BRD3: variants seen among roughly 807,000 people sequenced by gnomAD.
The protein encoded by BRD3 is bromodomain containing 3.
In BRD3, 17 loss-of-function variants were observed where a neutral mutation model predicts 66.8. The observed-to-expected ratio is 0.25, with a 90% confidence interval of 0.17 to 0.38. BRD3 has a LOEUF of 0.38. BRD3 is among the 10% of genes least tolerant of loss of function. The pLI, the probability that BRD3 is intolerant of heterozygous loss-of-function variation, is 1.00. For missense variants in BRD3, 713 were observed against 956.1 expected (o/e 0.75, Z 3.35); for synonymous variants, 421 against 393.2 (o/e 1.07, Z -0.84).
Position 134,030,985 on chromosome 9 carries a change from A to C in BRD3, c.*2605T>G. 4.3e-6 allele frequency: 1 copy of C among 230,824 alleles called. No individual in the cohort carries two copies. The highest frequency in any genetic ancestry group is 8.6e-6 in the Non-Finnish European group (1 of 116,488). 14.3% of individuals were successfully genotyped at this position (230,824 alleles called of 1,614,324 possible). On this transcript the variant is annotated 3_prime_UTR_variant, in exon 12 of 12. Transcript: ENST00000303407. Reference sequence around the variant, plus strand: ...ACCGCAGCCTTCTAATACAGAAGAAACGGACGTGACTGTCACCCTCAGCCC... The same window carrying C: ...ACCGCAGCCTTCTAATACAGAAGAACCGGACGTGACTGTCACCCTCAGCCC...
At chr9:134,067,881 C>T (rs1483670655) in intron 1 of BRD3, 64 bp downstream of exon 1, 4 of 144,788 alleles carry the variant, frequency 2.8e-5, no homozygotes, top group African/African-American at 9.9e-5. Context: ...CGGCCCAGCC[C>T]GGCCCGCCGC....
At position 134,048,339 on chromosome 9, in the gene BRD3, GCCA is replaced by G; in HGVS notation, c.827_829del (p.Val276del). ...GGGGCGGCCACCACTCTCCCGCCGG[GCCA>G]CCACTTTGGCCTGCTTGGGGTCTGA... On this transcript the variant is annotated inframe_deletion, in exon 6 of 12. Transcript: ENST00000303407. 6.3e-7 allele frequency: 1 copy of G among 1,599,282 alleles called. No homozygotes were observed. Among genetic ancestry groups the G allele is most frequent in the Non-Finnish European group, 8.5e-7 (1 of 1,179,620 alleles).
At chr9:134,061,260 G>C (rs1210891803) in intron 1 of BRD3, among the ~76,000 whole-genome samples, 1 of 152,256 alleles carries the variant, frequency 6.6e-6, no homozygotes, top group Admixed American at 6.5e-5. Context: ...GCAGCGGCTG[G>C]ACCATGGGGG....
At chr9:134,039,117 C>G (rs34827197) in intron 9 of BRD3, among the ~76,000 whole-genome samples, 21,821 of 152,104 alleles carry the variant, frequency 0.14, 2,379 homozygotes, top group African/African-American at 0.31. Context: ...CCAAAGTAGT[C>G]TATCTCCAGA....
At chr9:134,064,157 G>C (rs1830599232) in intron 1 of BRD3, among the ~76,000 whole-genome samples, 1 of 152,186 alleles carries the variant, frequency 6.6e-6, no homozygotes, top group Non-Finnish European at 1.5e-5. Context: ...TCCACTGCGA[G>C]CTCAATCAGG....
chr9:134,058,761 G>A (rs1564559804), intron 1 of BRD3: 1 of 152,254 alleles, frequency 6.6e-6, no homozygotes, highest in Non-Finnish European at 1.5e-5. Flanking sequence ...CAGCTGTAAA[G>A]GGGGGCCAGA....
At chr9:134,067,412 C>T (rs1284089284) in intron 1 of BRD3, among the ~76,000 whole-genome samples, 2 of 150,194 alleles carry the variant, frequency 1.3e-5, no homozygotes, top group Non-Finnish European at 3.0e-5. Context: ...AGCAACGGCT[C>T]GGGAGCGAGG....
Position 134,053,574 on chromosome 9 carries a change from G to A in BRD3, c.-97C>T. 1 of 1,448,224 alleles carries A rather than the reference G, an allele frequency of 6.9e-7. No homozygotes were observed. Among genetic ancestry groups the A allele is most frequent in the Non-Finnish European group, 9.1e-7 (1 of 1,103,874 alleles). The allele number at this position is 1,448,224 out of a possible 1,614,324, so 89.7% of individuals were successfully genotyped here. A position where few individuals can be genotyped will look rare whatever the true frequency, so the allele number is the denominator to read the frequency against. ...AGAAAGCGCGACGTCCCATTTCCGG[G>A]CCCAACCAGGCGACAGCTGCAGAGG... On this transcript the variant is annotated 5_prime_UTR_variant, in exon 2 of 12. Transcript: ENST00000303407.
At chr9:134,066,720 A>G (rs560450711) in intron 1 of BRD3, among the ~76,000 whole-genome samples, 1 of 152,360 alleles carries the variant, frequency 6.6e-6, no homozygotes, top group South Asian at 2.1e-4. Context: ...TTCCAGCCCA[A>G]TTACTCTGCC....
In BRD3 at chr9:134,045,169, A is replaced by G. The variant is rs1372840651; in HGVS notation, c.1215+124T>C. 69 of 1,345,650 alleles carry G rather than the reference A, an allele frequency of 5.1e-5. No individual in the cohort carries two copies. In the South Asian group the frequency reaches 8.9e-4, roughly 17 times the overall value. The allele number at this position is 1,345,650 out of a possible 1,614,324, so 83.4% of individuals were successfully genotyped here. A position where few individuals can be genotyped will look rare whatever the true frequency, so the allele number is the denominator to read the frequency against. On this transcript the variant is annotated intron_variant, in intron 7 of 11. Coordinates refer to ENST00000303407, the MANE Select transcript of BRD3 (RefSeq NM_007371.4). The surrounding 1 kb of genome is among the most constrained non-coding windows in gnomAD (Gnocchi z 4.8). Reference sequence around the variant, plus strand: ...GTTGGCACTCGGGAAAAAGGTGTTGAGGGAATGAGGCTCTCTAAGGCCTTC... The same window carrying G: ...GTTGGCACTCGGGAAAAAGGTGTTGGGGGAATGAGGCTCTCTAAGGCCTTC...
rs1461150743 is a variant in BRD3 at position 134,036,233 on chromosome 9, G to C, written c.1735C>G (p.Gln579Glu). ...AGCCGGTTGATGTCCAGGCTAAGCT[G>C]GCGCTTTTCATCGTAGCTCATGGGC... The part of the protein sequence containing the change: ...GLPMSYDEKR[Q>E]LSLDINRLPG... The change falls in exon 10 of 12, where the codon CAG becomes GAG. Residue 579 changes from glutamine (Q) to glutamate (E), a missense_variant. Transcript: ENST00000303407. The C allele has an allele frequency of 6.2e-7, 1 of 1,614,190 alleles. No individual in the cohort carries two copies. Among genetic ancestry groups the C allele is most frequent in the Non-Finnish European group, 8.5e-7 (1 of 1,180,030 alleles).
At chr9:134,062,584 C>G (rs1830567666) in intron 1 of BRD3, among the ~76,000 whole-genome samples, 1 of 152,204 alleles carries the variant, frequency 6.6e-6, no homozygotes, top group Non-Finnish European at 1.5e-5. Context: ...CTGGCCACAA[C>G]CCGTCACCTC....
intron 1 of BRD3, among the ~76,000 whole-genome samples, chr9:134,062,407 A>AC (rs1830563059): frequency 1.3e-5 from 2 of 152,028 alleles, no homozygotes; most frequent in Admixed American, 6.5e-5. Context: ...TGTCCCCTGC[A>AC]CCCCACAGTT....
intron 6 of BRD3, among the ~76,000 whole-genome samples, chr9:134,047,539 G>T (rs1035386550): frequency 9.8e-5 from 15 of 152,316 alleles, no homozygotes; most frequent in African/African-American, 3.6e-4. Flanking sequence ...GGCAGAGGCT[G>T]CCGCCTTGAG....
intron 1 of BRD3, among the ~76,000 whole-genome samples, chr9:134,059,333 G>C (rs1260835819): frequency 2.0e-5 from 3 of 152,224 alleles, no homozygotes; most frequent in African/African-American, 7.2e-5. Flanking sequence ...CCAGGGTTCT[G>C]CCTTGCACCC....
chr9:134,050,349 A>G (rs1453288150), intron 5 of BRD3, 25 bp downstream of exon 5: 1 of 1,599,650 alleles, frequency 6.3e-7, no homozygotes, highest in Middle Eastern at 2.2e-4. Context: ...CAGGTGCCCC[A>G]CCCATCCGGA....
intron 1 of BRD3, chr9:134,058,870 G>C (rs1161554766): frequency 6.6e-6 from 1 of 152,446 alleles, no homozygotes; most frequent in Non-Finnish European, 1.5e-5. Flanking sequence ...CCATTTTATA[G>C]TCCAGGAAGG....
At chr9:134,062,335 C>T (rs1472143770) in intron 1 of BRD3, among the ~76,000 whole-genome samples, 1 of 152,174 alleles carries the variant, frequency 6.6e-6, no homozygotes, top group African/African-American at 2.4e-5. Context: ...GTGGGGCTAT[C>T]CTGGGGCATG....
intron 6 of BRD3, 94 bp downstream of exon 6, chr9:134,047,989 C>T: frequency 7.0e-7 from 1 of 1,420,218 alleles, no homozygotes; most frequent in Non-Finnish European, 9.2e-7. Context: ...GACCCTGCTC[C>T]CCGACAGCCC....
Sources: allele counts gnomAD v4.1 joint callset (sites outside exome capture counted in the v4.1 genomes callset), GRCh38; gene constraint gnomAD v4.1.1; non-coding constraint Gnocchi (gnomAD v3.1); transcripts MANE v1.5; gene names NCBI Gene and HGNC (gene_info 2026-07-23, HGNC 2026-07-21).